FOXO3: variants seen among roughly 807,000 people sequenced by gnomAD.
The protein encoded by FOXO3 is forkhead box O3.
In FOXO3, 4 loss-of-function variants were observed where a neutral mutation model predicts 41.9. The ratio of observed to expected loss-of-function variants is 0.10; its 90% CI spans 0.05 to 0.22. FOXO3 has a LOEUF of 0.22. Ranked by LOEUF, FOXO3 falls within the 10% of genes least tolerant of loss-of-function variation. The pLI, the probability that FOXO3 is intolerant of heterozygous loss-of-function variation, is 1.00. For missense variants in FOXO3, 534 were observed against 906.8 expected (o/e 0.59, Z 5.28); for synonymous variants, 318 against 389.3 (o/e 0.82, Z 2.16).
In FOXO3 at chr6:108,561,161, C is replaced by A; in HGVS notation, c.-48C>A. The A allele has an allele frequency of 6.6e-7, 1 of 1,507,780 alleles. No individual in the cohort carries two copies. Among genetic ancestry groups the A allele is most frequent in the Non-Finnish European group, 8.8e-7 (1 of 1,132,394 alleles). 93.4% of individuals were successfully genotyped at this position (1,507,780 alleles called of 1,614,324 possible). On this transcript the variant is annotated 5_prime_UTR_variant, in exon 1 of 3. Coordinates refer to ENST00000406360, the MANE Select transcript of FOXO3 (RefSeq NM_001455.4). ...TCCCCCGCTGCACCCCGCCCCGGCG[C>A]GAGAGGAGAGCGCGAGAGCCCCAGC... is the stretch of plus-strand genomic sequence containing the variant.
chr6:108,590,516 T>C (rs911100433), intron 1 of FOXO3, among the ~76,000 whole-genome samples: 1 of 152,200 alleles, frequency 6.6e-6, no homozygotes, highest in Non-Finnish European at 1.5e-5. Flanking sequence ...GAGGTGTGTA[T>C]GAAACATAAG....
At chr6:108,644,690 C>T (rs542947087) in intron 1 of FOXO3, among the ~76,000 whole-genome samples, 8 of 152,222 alleles carry the variant, frequency 5.3e-5, no homozygotes, top group African/African-American at 1.4e-4. Context: ...TACACCCATC[C>T]GCTCCATCCT....
At chr6:108,586,793 T>C (rs1291756482) in intron 1 of FOXO3, among the ~76,000 whole-genome samples, 6 of 151,948 alleles carry the variant, frequency 3.9e-5, no homozygotes, top group African/African-American at 1.5e-4. Flanking sequence ...AGCAGTGTAT[T>C]GGTGTACTCG....
intron 1 of FOXO3, among the ~76,000 whole-genome samples, chr6:108,613,552 A>G (rs989097971): frequency 1.3e-4 from 20 of 152,120 alleles, no homozygotes; most frequent in Admixed American, 1.2e-3. Context: ...TATCCTTTTA[A>G]TAGATATATC....
chr6:108,561,058 C>G lies in FOXO3; in HGVS notation c.-151C>G. ...GCTCCGGCCCGGGATAACCAACTCTCCTTCTCTCTTCTTTGGTGCTTCCCC... is the reference window on the plus strand; with the variant it reads ...GCTCCGGCCCGGGATAACCAACTCTGCTTCTCTCTTCTTTGGTGCTTCCCC... On this transcript the variant is annotated 5_prime_UTR_variant, in exon 1 of 3. Coordinates refer to ENST00000406360, the MANE Select transcript of FOXO3 (RefSeq NM_001455.4). The G allele has an allele frequency of 7.0e-7, 1 of 1,418,658 alleles. No homozygotes were observed. Among genetic ancestry groups the G allele is most frequent in the Non-Finnish European group, 9.1e-7 (1 of 1,097,560 alleles). The allele number at this position is 1,418,658 out of a possible 1,614,324, so 87.9% of individuals were successfully genotyped here. A position where few individuals can be genotyped will look rare whatever the true frequency, so the allele number is the denominator to read the frequency against.
chr6:108,627,961 A>T (rs1399586922), intron 1 of FOXO3, among the ~76,000 whole-genome samples: 1 of 152,152 alleles, frequency 6.6e-6, no homozygotes, highest in Non-Finnish European at 1.5e-5. Flanking sequence ...AGGTACTTAG[A>T]GCAGAGTTTG....
At chr6:108,622,886 T>G (rs371184267) in intron 1 of FOXO3, among the ~76,000 whole-genome samples, 66 of 151,450 alleles carry the variant, frequency 4.4e-4, no homozygotes, top group African/African-American at 1.5e-3. Flanking sequence ...AGGCATTGCT[T>G]CAGAAACTTG....
At chr6:108,643,718 C>T (rs1778322022) in intron 1 of FOXO3, among the ~76,000 whole-genome samples, 1 of 152,148 alleles carries the variant, frequency 6.6e-6, no homozygotes, top group Non-Finnish European at 1.5e-5. Flanking sequence ...GTCCTTGCCC[C>T]AGCTATAGCA....
rs192781707 is a variant in FOXO3, at chr6:108,580,149, C to T, written c.621+18320C>T. On this transcript the variant is annotated intron_variant, in intron 1 of 2. Transcript: ENST00000406360. The stretch of plus-strand genomic sequence containing the variant: ...GAACATTTATTAGCAGTGTGCCAGA[C>T]ACTGTTGAGCTTTATGAGTATTAGC... Among the ~76,000 whole-genome samples the T allele has an allele frequency of 6.4e-4, 96 of 150,086 alleles. 1 individual carries two copies. The highest frequency in any genetic ancestry group is 2.3e-3 in the African/African-American group (94 of 40,870).
At position 108,561,866 on chromosome 6, in the gene FOXO3, G is replaced by T. The variant is rs371530906; in HGVS notation, c.621+37G>T. On this transcript the variant is annotated intron_variant, in intron 1 of 2. Transcript: ENST00000406360. ...CCCCGGGCTGGCAGCAGGACCCGCC[G>T]GGCCTCCTGCGCAGCGCGAGACGCG... is the stretch of plus-strand genomic sequence containing the variant. 2.7e-6 allele frequency: 4 copies of T among 1,506,444 alleles called. No homozygotes were observed. The African/African-American group carries it at 5.8e-5, about 22-fold the overall frequency. The allele number at this position is 1,506,444 out of a possible 1,614,324, so 93.3% of individuals were successfully genotyped here.
chr6:108,601,680 G>A (rs1266672754), intron 1 of FOXO3, among the ~76,000 whole-genome samples: 1 of 152,064 alleles, frequency 6.6e-6, no homozygotes, highest in Admixed American at 6.5e-5. Context: ...CCATTAATCT[G>A]CTCTTCATTT....
intron 1 of FOXO3, among the ~76,000 whole-genome samples, chr6:108,634,240 G>A (rs927224565): frequency 1.3e-5 from 2 of 152,274 alleles, no homozygotes; most frequent in South Asian, 2.1e-4. Context: ...ACGTGTGTGC[G>A]TGTGAATTTA....
At chr6:108,669,508 A>G (rs1398718997) in intron 2 of FOXO3, among the ~76,000 whole-genome samples, 4 of 152,162 alleles carry the variant, frequency 2.6e-5, no homozygotes, top group Non-Finnish European at 2.9e-5. Context: ...ATATTCTGCT[A>G]TTTGTACCTA....
At chr6:108,590,378 G>A (rs1232446544) in intron 1 of FOXO3, among the ~76,000 whole-genome samples, 1 of 152,104 alleles carries the variant, frequency 6.6e-6, no homozygotes, top group East Asian at 1.9e-4. Flanking sequence ...AACTTTTTGA[G>A]CGTTGACATG....
intron 1 of FOXO3, among the ~76,000 whole-genome samples, chr6:108,606,267 G>T (rs1777197788): frequency 6.6e-6 from 1 of 152,194 alleles, no homozygotes; most frequent in Non-Finnish European, 1.5e-5. Context: ...AAGCTTTGGA[G>T]ATAAGGAGGT....
chr6:108,588,598 CT>C (rs1219259644), intron 1 of FOXO3, among the ~76,000 whole-genome samples: 2 of 152,182 alleles, frequency 1.3e-5, no homozygotes, highest in African/African-American at 4.8e-5. Context: ...CCCTAGATTC[CT>C]TCTCACTCCC....
intron 1 of FOXO3, among the ~76,000 whole-genome samples, chr6:108,568,152 G>A (rs935266075): frequency 6.6e-6 from 1 of 151,674 alleles, no homozygotes; most frequent in African/African-American, 2.4e-5. Flanking sequence ...GTTTGAGACT[G>A]CAGTGAGCAC....
Position 108,575,672 on chromosome 6 carries a change from C to T in FOXO3, c.621+13843C>T, listed in dbSNP as rs138450685. Reference sequence around the variant, plus strand: ...TTTGCATTTCAGTCCGAATTGGATACGGGTTTTTGTTGTCTTTGTTTTTGC... The same window carrying T: ...TTTGCATTTCAGTCCGAATTGGATATGGGTTTTTGTTGTCTTTGTTTTTGC... On this transcript the variant is annotated intron_variant, in intron 1 of 2. Coordinates refer to ENST00000406360, the MANE Select transcript of FOXO3 (RefSeq NM_001455.4). Among the ~76,000 whole-genome samples the T allele has an allele frequency of 1.4e-3, 209 of 152,162 alleles. 2 individuals carry two copies. Among genetic ancestry groups the T allele is most frequent in the African/African-American group, 4.7e-3 (193 of 41,492 alleles).
intron 1 of FOXO3, among the ~76,000 whole-genome samples, chr6:108,645,970 C>T (rs928229476): frequency 6.6e-6 from 1 of 152,094 alleles, no homozygotes; most frequent in African/African-American, 2.4e-5. Flanking sequence ...TTAGGTTTGG[C>T]TAATGGAAAA....
Sources: gnomAD v4.1 joint callset for allele counts (sites outside exome capture counted in the v4.1 genomes callset) on GRCh38, gnomAD v4.1.1 for gene constraint, MANE v1.5 for transcripts, NCBI Gene and HGNC (gene_info 2026-07-23, HGNC 2026-07-21) for gene names.